Variants in CASP10 observed in about 807,000 individuals in gnomAD.
CASP10 encodes caspase-10.
CASP10 carries 41 observed loss-of-function variants against 48.5 expected under a neutral mutation model. The ratio of observed to expected loss-of-function variants is 0.85; its 90% CI spans 0.66 to 1.10. The LOEUF (loss-of-function observed/expected upper bound fraction) is 1.10. Ranked by LOEUF, CASP10 falls within the 50% of genes least tolerant of loss-of-function variation. CASP10 has a pLI of 0.00. For missense variants in CASP10, 614 were observed against 614.5 expected, an observed-to-expected ratio of 1.00 and a Z score of 0.01; for synonymous variants, 232 against 238.4, an observed-to-expected ratio of 0.97 and a Z score of 0.25.
intron 3 of CASP10, among the ~76,000 whole-genome samples, chr2:201,192,286 C>T (rs1944636726): frequency 6.6e-6 from 1 of 151,996 alleles, no homozygotes. Context: ...CCCAGCTACT[C>T]AGGAGGCTGA....
At chr2:201,223,351 A>G (rs1945748722), downstream of CASP10, among the ~76,000 whole-genome samples, 2 of 152,108 alleles carry the variant, frequency 1.3e-5, no homozygotes, top group African/African-American at 4.8e-5. Context: ...GGAACTCACC[A>G]CAAGTGGGGG....
intron 2 of CASP10, 165 bp downstream of exon 2, chr2:201,186,289 G>A: frequency 3.1e-6 from 2 of 641,018 alleles, no homozygotes; most frequent in African/African-American, 1.8e-5. Context: ...ATGCTAATGA[G>A]ATAAGAGTTG....
At chr2:201,228,748 A>G (rs906590607) in intron 9 of CASP10, among the ~76,000 whole-genome samples, 1 of 152,212 alleles carries the variant, frequency 6.6e-6, no homozygotes, top group Non-Finnish European at 1.5e-5. Flanking sequence ...GTTTATCTTG[A>G]AGATTGTAAA....
chr2:201,209,037 C>A, intron 8 of CASP10, 33 bp from the exon 9 acceptor site: 1 of 1,531,482 alleles, frequency 6.5e-7, no homozygotes, highest in South Asian at 1.2e-5. Context: ...CTCTCTCTCT[C>A]TCTCTTTTTT....
chr2:201,209,998 GC>G (rs1945344475), intron 9 of CASP10, among the ~76,000 whole-genome samples: 2 of 152,204 alleles, frequency 1.3e-5, no homozygotes, highest in Non-Finnish European at 2.9e-5. Flanking sequence ...TGAGTACCTT[GC>G]CCAGATTTGA....
At chr2:201,224,262 T>C (rs948390083), downstream of CASP10, among the ~76,000 whole-genome samples, 13 of 151,768 alleles carry the variant, frequency 8.6e-5, no homozygotes, top group African/African-American at 2.9e-4. Context: ...TGAGCCACCG[T>C]GCCTGGCCAA....
chr2:201,200,090 C>T (rs1004758018), intron 5 of CASP10, among the ~76,000 whole-genome samples: 1 of 152,140 alleles, frequency 6.6e-6, no homozygotes, highest in African/African-American at 2.4e-5. Context: ...CTCAGGGCAT[C>T]CCATCTGGAA....
chr2:201,215,723 C>T (rs1483070587), intron 9 of CASP10, among the ~76,000 whole-genome samples: 1 of 152,102 alleles, frequency 6.6e-6, no homozygotes, highest in Non-Finnish European at 1.5e-5. Context: ...CTCAGCATTG[C>T]TTTCACTATT....
At chr2:201,191,245 G>A (rs756646984) in intron 3 of CASP10, among the ~76,000 whole-genome samples, 12 of 152,152 alleles carry the variant, frequency 7.9e-5, no homozygotes, top group African/African-American at 2.4e-5. Context: ...ACATGTTCAT[G>A]TGGCCAAATG....
chr2:201,187,278 G>A (rs1576064987), intron 2 of CASP10, among the ~76,000 whole-genome samples: 1 of 152,106 alleles, frequency 6.6e-6, no homozygotes, highest in Admixed American at 6.6e-5. Context: ...ATTATATCTC[G>A]AAGCTGGGGT....
Position 201,220,759 on chromosome 2 carries a change from C to T in CASP10, c.*3018C>T. On this transcript the variant is annotated 3_prime_UTR_variant, in exon 10 of 10. Coordinates refer to ENST00000286186, the MANE Select transcript of CASP10 (RefSeq NM_032977.4). ...TCTTACACATGTGTCAGGATGATCT[C>T]CCAAAACCGTGTTCATAACAGTCAG... 3 of 985,308 alleles carry T rather than the reference C, an allele frequency of 3.0e-6. No homozygotes were observed. Among genetic ancestry groups the T allele is most frequent in the Non-Finnish European group, 3.6e-6 (3 of 829,936 alleles). The allele number at this position is 985,308 out of a possible 1,614,324, so 61.0% of individuals were successfully genotyped here. A position where few individuals can be genotyped will look rare whatever the true frequency, so the allele number is the denominator to read the frequency against.
chr2:201,187,404 G>C (rs1054770149), intron 2 of CASP10, among the ~76,000 whole-genome samples: 1 of 152,142 alleles, frequency 6.6e-6, no homozygotes, highest in African/African-American at 2.4e-5. Flanking sequence ...AGATGGGAAG[G>C]CATGTCAGAA....
Position 201,221,039 on chromosome 2 carries a change from TA to T in CASP10, c.*3301del. 2.0e-6 allele frequency: 2 copies of T among 985,450 alleles called. No homozygotes were observed. The highest frequency in any genetic ancestry group is 2.4e-6 in the Non-Finnish European group (2 of 829,926). The allele number at this position is 985,450 out of a possible 1,614,324, so 61.0% of individuals were successfully genotyped here. A position where few individuals can be genotyped will look rare whatever the true frequency, so the allele number is the denominator to read the frequency against. ...AATGTGTCCTATGTGTGCATCTATT[TA>T]AATCTAACTGTGCTGAGGTGCATAT... is the stretch of plus-strand genomic sequence containing the variant. On this transcript the variant is annotated 3_prime_UTR_variant, in exon 10 of 10. Transcript: ENST00000286186.
At chr2:201,194,643 T>A (rs1944725675) in intron 4 of CASP10, among the ~76,000 whole-genome samples, 1 of 152,172 alleles carries the variant, frequency 6.6e-6, no homozygotes, top group Admixed American at 6.5e-5. Flanking sequence ...TTTTCTGTAA[T>A]GCCATATCCC....
At chr2:201,200,763 C>A in intron 5 of CASP10, 1 of 1,191,980 alleles carries the variant, frequency 8.4e-7, no homozygotes, top group African/African-American at 1.5e-5. Flanking sequence ...ATTTGAATTC[C>A]CCATCTCCCC....
At chr2:201,207,296 A>T (rs1384771617) in intron 7 of CASP10, among the ~76,000 whole-genome samples, 1 of 152,192 alleles carries the variant, frequency 6.6e-6, no homozygotes, top group Admixed American at 6.5e-5. Context: ...ATGTGGCATA[A>T]ATACCCCAAG....
At chr2:201,192,920 A>G in intron 3 of CASP10, 64 bp from the exon 4 acceptor site, 1 of 1,546,302 alleles carries the variant, frequency 6.5e-7, no homozygotes, top group Non-Finnish European at 8.9e-7. Context: ...GGCCATGCAG[A>G]TAACATTTGA....
intron 3 of CASP10, among the ~76,000 whole-genome samples, chr2:201,188,183 T>C (rs1944480895): frequency 6.6e-6 from 1 of 152,100 alleles, no homozygotes; most frequent in South Asian, 2.1e-4. Context: ...TTTGTTTTTG[T>C]TTTTGTTTTT....
intron 4 of CASP10, among the ~76,000 whole-genome samples, chr2:201,193,796 T>A (rs1576083519): frequency 6.6e-6 from 1 of 152,168 alleles, no homozygotes; most frequent in African/African-American, 2.4e-5. Context: ...CAGGATAGCA[T>A]GGGGTAAGAG....
Sources: allele counts gnomAD v4.1 joint callset (sites outside exome capture counted in the v4.1 genomes callset), GRCh38; gene constraint gnomAD v4.1.1; transcripts MANE v1.5; gene names NCBI Gene and HGNC (gene_info 2026-07-23, HGNC 2026-07-21).